Variants in AGPAT4 observed in about 807,000 individuals in gnomAD.
AGPAT4 encodes 1-acyl-sn-glycerol-3-phosphate acyltransferase delta.
A neutral mutation model predicts 48.0 loss-of-function variants in AGPAT4; 15 were observed. That is an observed-to-expected ratio of 0.31 (90% CI 0.21 to 0.48). The LOEUF (loss-of-function observed/expected upper bound fraction) is 0.48, where lower values mean the gene tolerates loss of function less well. Among genes scored for constraint, AGPAT4 ranks in the 20% least tolerant of loss-of-function variants. The pLI is 0.99. For synonymous variants in AGPAT4, 178 were observed against 198.7 expected (o/e 0.90, Z 0.88); for missense variants, 314 against 482.5 (o/e 0.65, Z 3.27).
chr6:161,163,677 G>T (rs1376632060), intron 3 of AGPAT4, among the ~76,000 whole-genome samples: 3 of 152,174 alleles, frequency 2.0e-5, no homozygotes, highest in Non-Finnish European at 4.4e-5. Flanking sequence ...GCTCTCTCTA[G>T]CTCCTTGCTT....
chr6:161,228,623 C>T (rs1316339101), intron 2 of AGPAT4, among the ~76,000 whole-genome samples: 3 of 86,758 alleles, frequency 3.5e-5, no homozygotes, highest in African/African-American at 5.0e-5. Context: ...TTCTCCTAAT[C>T]TTTCTGTTTT....
rs1215342573 is a variant in AGPAT4, at chr6:161,219,930, G to A, written c.178+12106C>T. On this transcript the variant is annotated intron_variant, in intron 2 of 8. Coordinates refer to ENST00000320285, the MANE Select transcript of AGPAT4 (RefSeq NM_020133.3). This position sits in a 1 kb window ranked among gnomAD's most constrained non-coding sequence, Gnocchi z 4.9. ...AGGCAGGCAGGCGGCAGGCAGGCAG[G>A]CAGGCAGGCAGGCAGGCAGACAGAC... is the stretch of plus-strand genomic sequence containing the variant. Among the ~76,000 whole-genome samples, 2 of 150,426 alleles carry A rather than the reference G, an allele frequency of 1.3e-5. No homozygotes were observed. Among genetic ancestry groups the A allele is most frequent in the African/African-American group, 4.9e-5 (2 of 40,644 alleles).
At position 161,270,905 on chromosome 6, in the gene AGPAT4, A is replaced by G. The variant is rs1025902044; in HGVS notation, c.-90+3033T>C. On this transcript the variant is annotated intron_variant, in intron 1 of 8. Coordinates refer to ENST00000320285, the MANE Select transcript of AGPAT4 (RefSeq NM_020133.3). The surrounding 1 kb of genome is among the most constrained non-coding windows in gnomAD (Gnocchi z 5.3). ...CCTCATTTGAGCATCCAATAATTTA[A>G]AACAATGGCAATGGCAGGAATTATG... 1.3e-5 allele frequency among the ~76,000 whole-genome samples: 2 copies of G among 152,244 alleles called. No homozygotes were observed. Among genetic ancestry groups the G allele is most frequent in the Non-Finnish European group, 1.5e-5 (1 of 68,048 alleles).
At position 161,214,540 on chromosome 6, in the gene AGPAT4, C is replaced by T. The variant is rs746191328; in HGVS notation, c.178+17496G>A. 5.3e-5 allele frequency among the ~76,000 whole-genome samples: 8 copies of T among 151,964 alleles called. No homozygotes were observed. The highest frequency in any genetic ancestry group is 9.7e-5 in the African/African-American group (4 of 41,368). ...CAGCCCTTTGGGAGGTCAAGGCAGG[C>T]GGATCAATTGAAGTCAGGAGTTCGA... is the stretch of plus-strand genomic sequence containing the variant. On this transcript the variant is annotated intron_variant, in intron 2 of 8. Transcript: ENST00000320285. The surrounding 1 kb of genome is among the most constrained non-coding windows in gnomAD (Gnocchi z 5.4).
Position 161,161,515 on chromosome 6 carries a change from C to CG in AGPAT4, c.348+4732dup, listed in dbSNP as rs1562318583. 1 of 456,572 alleles carries CG rather than the reference C, an allele frequency of 2.2e-6. No homozygotes were observed. The highest frequency in any genetic ancestry group is 1.5e-5 in the South Asian group (1 of 64,542). The allele number at this position is 456,572 out of a possible 1,614,324, so 28.3% of individuals were successfully genotyped here. ...CAGAGCTGATGAATTCACATGGTGG[C>CG]GGGCAGCACTGGGTATCTGCCATAG... On this transcript the variant is annotated intron_variant, in intron 3 of 8. Coordinates refer to ENST00000320285, the MANE Select transcript of AGPAT4 (RefSeq NM_020133.3). This position sits in a 1 kb window ranked among gnomAD's most constrained non-coding sequence, Gnocchi z 4.6.
At chr6:161,173,467 C>T (rs1258212632) in intron 2 of AGPAT4, among the ~76,000 whole-genome samples, 5 of 152,166 alleles carry the variant, frequency 3.3e-5, no homozygotes, top group Admixed American at 1.3e-4. Flanking sequence ...TGTTCATATC[C>T]TTCGCCCACT....
chr6:161,162,165 A>C (rs576251988), intron 3 of AGPAT4, among the ~76,000 whole-genome samples: 4 of 152,200 alleles, frequency 2.6e-5, no homozygotes, highest in Non-Finnish European at 5.9e-5. Context: ...ATTTACTAAG[A>C]GGGCAAGGGA....
At position 161,254,294 on chromosome 6, in the gene AGPAT4, C is replaced by T. The variant is rs918473690; in HGVS notation, c.-90+19644G>A. Among the ~76,000 whole-genome samples the T allele has an allele frequency of 6.6e-6, 1 of 152,154 alleles. No individual in the cohort carries two copies. The highest frequency in any genetic ancestry group is 1.5e-5 in the Non-Finnish European group (1 of 68,020). Reference sequence around the variant, plus strand: ...TTGTACAGCTAAGAAAATAGAGGCTCAGGGAAGTCATGACTTATTTTCTTT... The same window carrying T: ...TTGTACAGCTAAGAAAATAGAGGCTTAGGGAAGTCATGACTTATTTTCTTT... On this transcript the variant is annotated intron_variant, in intron 1 of 8. Coordinates refer to ENST00000320285, the MANE Select transcript of AGPAT4 (RefSeq NM_020133.3). The surrounding 1 kb of genome is among the most constrained non-coding windows in gnomAD (Gnocchi z 5.9).
Position 161,236,023 on chromosome 6 carries a change from A to G in AGPAT4, c.-89-3721T>C, listed in dbSNP as rs1782264052. 6.6e-6 allele frequency among the ~76,000 whole-genome samples: 1 copy of G among 152,238 alleles called. No individual in the cohort carries two copies. The highest frequency in any genetic ancestry group is 1.5e-5 in the Non-Finnish European group (1 of 68,044). ...CATGCCGAGGAAAGATGGTATAAAT[A>G]TCTGGCCAGCGATGAAAATAGCTGG... is the stretch of plus-strand genomic sequence containing the variant. On this transcript the variant is annotated intron_variant, in intron 1 of 8. Coordinates refer to ENST00000320285, the MANE Select transcript of AGPAT4 (RefSeq NM_020133.3). This position sits in a 1 kb window ranked among gnomAD's most constrained non-coding sequence, Gnocchi z 5.0.
Position 161,243,824 on chromosome 6 carries a change from G to T in AGPAT4, c.-89-11522C>A, listed in dbSNP as rs1782569532. Among the ~76,000 whole-genome samples the T allele has an allele frequency of 6.6e-6, 1 of 152,114 alleles. No homozygotes were observed. Among genetic ancestry groups the T allele is most frequent in the Non-Finnish European group, 1.5e-5 (1 of 68,018 alleles). Reference sequence around the variant, plus strand: ...TATTTCAATAAGATTTTCCTCAGGTGGACATTTTTAGCCTGACAACCACTC... The same window carrying T: ...TATTTCAATAAGATTTTCCTCAGGTTGACATTTTTAGCCTGACAACCACTC... On this transcript the variant is annotated intron_variant, in intron 1 of 8. Transcript: ENST00000320285. This position sits in a 1 kb window ranked among gnomAD's most constrained non-coding sequence, Gnocchi z 4.8.
chr6:161,149,176 G>C lies in AGPAT4; in HGVS notation c.767+11C>G. The C allele has an allele frequency of 6.2e-7, 1 of 1,610,648 alleles. No homozygotes were observed. On this transcript the variant is annotated intron_variant, in intron 6 of 8. Transcript: ENST00000320285. The surrounding 1 kb of genome is among the most constrained non-coding windows in gnomAD (Gnocchi z 6.5). The stretch of plus-strand genomic sequence containing the variant: ...CACTGTCTTTTCTGGAAAGGAAACA[G>C]TTCGACTTACCTAACATACAAATCT...
At position 161,198,294 on chromosome 6, in the gene AGPAT4, T is replaced by G. The variant is rs781446271; in HGVS notation, c.179-31877A>C. On this transcript the variant is annotated intron_variant, in intron 2 of 8. Transcript: ENST00000320285. This position sits in a 1 kb window ranked among gnomAD's most constrained non-coding sequence, Gnocchi z 4.3. ...TTTTTCATGCTTTGGCAAGTGGCTC[T>G]CAGTTGAGAGTGATTTCACAATCCC... Among the ~76,000 whole-genome samples the G allele has an allele frequency of 7.2e-5, 11 of 152,266 alleles. No homozygotes were observed. Among genetic ancestry groups the G allele is most frequent in the Non-Finnish European group, 1.3e-4 (9 of 68,048 alleles).
rs1429204881 is a variant in AGPAT4 at position 161,208,356 on chromosome 6, G to A, written c.178+23680C>T. Among the ~76,000 whole-genome samples, 5 of 152,108 alleles carry A rather than the reference G, an allele frequency of 3.3e-5. No individual in the cohort carries two copies. The highest frequency in any genetic ancestry group is 7.4e-5 in the Non-Finnish European group (5 of 68,020). ...TTTATCATCTTTCTGGCTTTGGCAA[G>A]ATCTCCCTTTTGTTCCCACCTTGAA... is the stretch of plus-strand genomic sequence containing the variant. On this transcript the variant is annotated intron_variant, in intron 2 of 8. Transcript: ENST00000320285. This position sits in a 1 kb window ranked among gnomAD's most constrained non-coding sequence, Gnocchi z 4.6.
At chr6:161,173,173 T>G (rs1583301768) in intron 2 of AGPAT4, among the ~76,000 whole-genome samples, 1 of 152,350 alleles carries the variant, frequency 6.6e-6, no homozygotes, top group East Asian at 1.9e-4. Context: ...ACGGGATGGC[T>G]GGGTCAAATG....
In AGPAT4 at chr6:161,132,269, A is replaced by AGAT. The variant is rs1462522232; in HGVS notation, c.*4268_*4270dup. 7 of 152,368 alleles carry AGAT rather than the reference A, an allele frequency of 4.6e-5. No homozygotes were observed. Among genetic ancestry groups the AGAT allele is most frequent in the Admixed American group, 2.6e-4 (4 of 15,310 alleles). 9.4% of individuals were successfully genotyped at this position (152,368 alleles called of 1,614,324 possible). On this transcript the variant is annotated 3_prime_UTR_variant, in exon 9 of 9. Coordinates refer to ENST00000320285, the MANE Select transcript of AGPAT4 (RefSeq NM_020133.3). ...ATCTTTGTAGGGAAGCACCCTTCTG[A>AGAT]GATGAAACCAATTTCTTGTCCACAC...
rs1334750524 is a variant in AGPAT4 at position 161,238,663 on chromosome 6, G to C, written c.-89-6361C>G. ...GATGGAGATGAGGTGATAGGGTTTG[G>C]CTGTGTCTCCACCCAAATCTTACCT... On this transcript the variant is annotated intron_variant, in intron 1 of 8. Coordinates refer to ENST00000320285, the MANE Select transcript of AGPAT4 (RefSeq NM_020133.3). This position sits in a 1 kb window ranked among gnomAD's most constrained non-coding sequence, Gnocchi z 5.2. 2.6e-5 allele frequency among the ~76,000 whole-genome samples: 4 copies of C among 152,154 alleles called. No individual in the cohort carries two copies. Among genetic ancestry groups the C allele is most frequent in the Non-Finnish European group, 4.4e-5 (3 of 68,036 alleles).
In AGPAT4 at chr6:161,137,401, C is replaced by G. The variant is rs1583270869; in HGVS notation, c.1043-767G>C. 6.6e-6 allele frequency among the ~76,000 whole-genome samples: 1 copy of G among 152,324 alleles called. No individual in the cohort carries two copies. The highest frequency in any genetic ancestry group is 2.4e-5 in the African/African-American group (1 of 41,576). ...AGACGAATAAGTGAATGAAATCCCC[C>G]AAATCATGATGCACAGGATTATCTA... On this transcript the variant is annotated intron_variant, in intron 8 of 8. Transcript: ENST00000320285. The surrounding 1 kb of genome is among the most constrained non-coding windows in gnomAD (Gnocchi z 6.1).
chr6:161,176,441 A>G (rs1382388208), intron 2 of AGPAT4, among the ~76,000 whole-genome samples: 1 of 152,156 alleles, frequency 6.6e-6, no homozygotes, highest in Non-Finnish European at 1.5e-5. Flanking sequence ...CTGTTTTATC[A>G]GAGACTAGGA....
chr6:161,211,541 G>A (rs1275013641), intron 2 of AGPAT4, among the ~76,000 whole-genome samples: 1 of 152,004 alleles, frequency 6.6e-6, no homozygotes, highest in African/African-American at 2.4e-5. Context: ...TAAAATGACT[G>A]GTTATTTAAG....
Sources: allele counts gnomAD v4.1 joint callset (sites outside exome capture counted in the v4.1 genomes callset), GRCh38; gene constraint gnomAD v4.1.1; non-coding constraint Gnocchi (gnomAD v3.1); transcripts MANE v1.5; gene names NCBI Gene and HGNC (gene_info 2026-07-23, HGNC 2026-07-21).